The following THADA variants were observed in gnomAD, a reference collection of about 807,000 sequenced individuals.
THADA encodes THADA armadillo repeat containing.
A neutral mutation model predicts 219.8 loss-of-function variants in THADA; 213 were observed. The observed-to-expected ratio is 0.97, with a 90% CI of 0.87 to 1.09. The LOEUF is 1.09. Among genes scored for constraint, THADA ranks in the 50% least tolerant of loss-of-function variants. The pLI is 0.00. For synonymous variants in THADA, 1,018 were observed against 828.9 expected (o/e 1.23, Z -3.92); for missense variants, 2,956 against 2,311.3 (o/e 1.28, Z -5.72).
chr2:43,349,925 T>G (rs1403327103), intron 29 of THADA, among the ~76,000 whole-genome samples: 1 of 152,224 alleles, frequency 6.6e-6, no homozygotes, highest in East Asian at 1.9e-4. Flanking sequence ...CCATTTTGCC[T>G]AGTTTTCTCC....
intron 27 of THADA, among the ~76,000 whole-genome samples, chr2:43,428,637 C>T (rs1163031945): frequency 1.3e-5 from 2 of 152,040 alleles, no homozygotes; most frequent in East Asian, 1.9e-4. Flanking sequence ...AGTGAGACTC[C>T]ACAATCAAGG....
intron 30 of THADA, among the ~76,000 whole-genome samples, chr2:43,325,292 C>T (rs1679194511): frequency 7.0e-6 from 1 of 143,362 alleles, no homozygotes; most frequent in African/African-American, 2.7e-5. Flanking sequence ...ATCCCAGTGG[C>T]TGCAGGTTTT....
chr2:43,576,022 G>A (rs1699818323), intron 10 of THADA, among the ~76,000 whole-genome samples: 1 of 152,046 alleles, frequency 6.6e-6, no homozygotes, highest in Non-Finnish European at 1.5e-5. Flanking sequence ...AAATTCTAAA[G>A]CACTACACAT....
At position 43,485,261 on chromosome 2, in the gene THADA, G is replaced by A. The variant is rs757187195; in HGVS notation, c.3809C>T (p.Ala1270Val). 23 of 1,612,496 alleles carry A rather than the reference G, an allele frequency of 1.4e-5. No individual in the cohort carries two copies. The highest frequency in any genetic ancestry group is 1.9e-5 in the Non-Finnish European group (22 of 1,179,116). ...LITRIFGVKRAKDEHSKTNRM... is the reference protein window; with the variant it reads ...LITRIFGVKRVKDEHSKTNRM... ...ATTTGTTTTGGAATGTTCATCCTTT[G>A]CCCTTTTAACTCCAAAAATTCTTGT... The change falls in exon 26 of 38, where the codon GCA (alanine) becomes GTA (valine). Residue 1270 changes from alanine (A) to valine (V), a missense_variant. Ala to Val is a moderately conservative substitution (Grantham distance 64). Coordinates refer to ENST00000405975, the MANE Select transcript of THADA (RefSeq NM_022065.5).
At chr2:43,237,441 A>G (rs955666071) in intron 36 of THADA, among the ~76,000 whole-genome samples, 2 of 136,656 alleles carry the variant, frequency 1.5e-5, no homozygotes, top group East Asian at 4.4e-4. Flanking sequence ...TCTGTCACCC[A>G]GGCTGGAGTG....
At chr2:43,274,993 C>CT (rs202126240) in intron 36 of THADA, among the ~76,000 whole-genome samples, 5,243 of 121,144 alleles carry the variant, frequency 0.043, 290 homozygotes, top group South Asian at 0.16. Flanking sequence ...CTTTTCTTTT[C>CT]TTTTCTTTTT....
chr2:43,346,964 TC>T (rs1270526229), intron 29 of THADA, among the ~76,000 whole-genome samples: 8 of 152,184 alleles, frequency 5.3e-5, no homozygotes, highest in Non-Finnish European at 1.2e-4. Flanking sequence ...CTATATTCAC[TC>T]CTTTAGGACA....
intron 29 of THADA, among the ~76,000 whole-genome samples, chr2:43,381,598 T>C (rs1453127542): frequency 2.0e-5 from 3 of 151,732 alleles, no homozygotes; most frequent in Admixed American, 6.6e-5. Context: ...TTTTTTTTTT[T>C]CCGACGGAGT....
chr2:43,482,999 C>T (rs540886754), intron 26 of THADA, among the ~76,000 whole-genome samples: 7 of 152,212 alleles, frequency 4.6e-5, no homozygotes, highest in Admixed American at 3.3e-4. Context: ...CAGCAAAATG[C>T]CTAGAAACCA....
chr2:43,551,839 AC>A lies in THADA; in HGVS notation c.2896del (p.Val966SerfsTer25). ...GCCTTCAGGGGATGAGCTCTGAATG[AC>A]TGGAGACACCACAGTGGAAAGCCTG... ...SYRLSTVVSP[V>X]IQSSSPEGLI... On this transcript the variant is annotated frameshift_variant, in exon 19 of 38. Coordinates refer to ENST00000405975, the MANE Select transcript of THADA (RefSeq NM_022065.5). LOFTEE classifies it high-confidence loss of function. 5.0e-6 allele frequency: 8 copies of A among 1,613,908 alleles called. No individual in the cohort carries two copies. The highest frequency in any genetic ancestry group is 6.8e-6 in the Non-Finnish European group (8 of 1,179,840).
chr2:43,518,686 C>A (rs948167897), intron 22 of THADA, among the ~76,000 whole-genome samples: 3 of 152,152 alleles, frequency 2.0e-5, no homozygotes, highest in Non-Finnish European at 4.4e-5. Flanking sequence ...AAATTTAATT[C>A]AAGATGATAA....
At chr2:43,468,555 T>G (rs1353461511) in intron 26 of THADA, among the ~76,000 whole-genome samples, 1 of 152,146 alleles carries the variant, frequency 6.6e-6, no homozygotes, top group Non-Finnish European at 1.5e-5. Flanking sequence ...ATTGCCCTCA[T>G]TTTCACTGCT....
intron 21 of THADA, among the ~76,000 whole-genome samples, chr2:43,535,696 A>AG (rs1332786730): frequency 6.6e-6 from 1 of 151,578 alleles, no homozygotes; most frequent in Non-Finnish European, 1.5e-5. Flanking sequence ...AAAAAAAAAA[A>AG]AAAAGAAAAA....
rs140762715 is a variant in THADA at position 43,458,131 on chromosome 2, A to G, written c.3836+27103T>C. ...GCCTTCATCTCCTCTGGCCTAATTT[A>G]AATAGGGTTACTCAAGTTCATGGAT... is the stretch of plus-strand genomic sequence containing the variant. On this transcript the variant is annotated intron_variant, in intron 26 of 37. Coordinates refer to ENST00000405975, the MANE Select transcript of THADA (RefSeq NM_022065.5). Among the ~76,000 whole-genome samples, 13 of 152,348 alleles carry G rather than the reference A, an allele frequency of 8.5e-5. No individual in the cohort carries two copies. In the East Asian group the frequency reaches 1.9e-3, roughly 23 times the overall value.
chr2:43,502,070 T>C (rs780068337), intron 24 of THADA, among the ~76,000 whole-genome samples: 2 of 152,126 alleles, frequency 1.3e-5, no homozygotes, highest in Non-Finnish European at 1.5e-5. Flanking sequence ...AAGAAAAGGA[T>C]GTGTTATAAC....
chr2:43,572,074 TG>T (rs1038710080), intron 12 of THADA, among the ~76,000 whole-genome samples: 1 of 152,240 alleles, frequency 6.6e-6, no homozygotes, highest in Non-Finnish European at 1.5e-5. Context: ...ATTTATAAAA[TG>T]CAACAATCTT....
intron 29 of THADA, chr2:43,371,939 TA>T (rs1433370471): frequency 1.3e-5 from 2 of 152,228 alleles, no homozygotes; most frequent in Non-Finnish European, 2.9e-5. Context: ...TGATGGATTA[TA>T]AAACCCAGGC....
rs771289600 is a variant in THADA, at chr2:43,398,015, C to G, written c.4183G>C (p.Asp1395His). 6.2e-7 allele frequency: 1 copy of G among 1,613,952 alleles called. No homozygotes were observed. The highest frequency in any genetic ancestry group is 8.5e-7 in the Non-Finnish European group (1 of 1,179,846). ...TLLSTLPSCT[D>H]QCFRQNHIHG... ...ATGTGGTTTTGCCGGAAACACTGGT[C>G]AGTGCAGCTGGGGAGTGTGGACAAC... Residue 1395 changes from aspartate to histidine, a missense_variant, in exon 29 of 38, where the codon GAC becomes CAC. Coordinates refer to ENST00000405975, the MANE Select transcript of THADA (RefSeq NM_022065.5).
intron 29 of THADA, among the ~76,000 whole-genome samples, chr2:43,382,703 T>C (rs890519346): frequency 1.3e-5 from 2 of 152,226 alleles, no homozygotes; most frequent in Non-Finnish European, 2.9e-5. Context: ...TGCTTCTAAC[T>C]GCTGCACTAA....
Sources: gnomAD v4.1 joint callset for allele counts (sites outside exome capture counted in the v4.1 genomes callset) on GRCh38, gnomAD v4.1.1 for gene constraint, MANE v1.5 for transcripts, NCBI Gene and HGNC (gene_info 2026-07-23, HGNC 2026-07-21) for gene names.